Variants in ATP8A1 observed in about 807,000 individuals in gnomAD.
The protein encoded by ATP8A1 is ATPase phospholipid transporting 8A1.
ATP8A1 carries 90 observed loss-of-function variants against 177.7 expected under a neutral mutation model. That is an observed-to-expected ratio of 0.51 (90% CI 0.43 to 0.60). The LOEUF is 0.60. Ranked by LOEUF, ATP8A1 falls within the 20% of genes least tolerant of loss-of-function variation. ATP8A1 has a pLI of 0.00. For missense variants in ATP8A1, 1,072 were observed against 1,392.8 expected (o/e 0.77, Z 3.67); for synonymous variants, 493 against 485.9 (o/e 1.01, Z -0.19).
intron 12 of ATP8A1, among the ~76,000 whole-genome samples, chr4:42,576,811 T>C (rs1231594720): frequency 1.3e-5 from 2 of 152,188 alleles, no homozygotes; most frequent in Non-Finnish European, 2.9e-5. Context: ...GAATAGAGAT[T>C]AATCTGGAAA....
At chr4:42,517,276 A>T (rs1164595748) in intron 22 of ATP8A1, among the ~76,000 whole-genome samples, 5 of 140,194 alleles carry the variant, frequency 3.6e-5, no homozygotes, top group Admixed American at 7.7e-5. Context: ...CTGGCAACAG[A>T]GTGAGACTCC....
intron 25 of ATP8A1, among the ~76,000 whole-genome samples, chr4:42,479,848 A>AG (rs1721473298): frequency 6.6e-6 from 1 of 152,166 alleles, no homozygotes; most frequent in Non-Finnish European, 1.5e-5. Context: ...AGGGAGCATG[A>AG]GGGGCTTCTT....
intron 1 of ATP8A1, among the ~76,000 whole-genome samples, chr4:42,645,563 C>T (rs540541513): frequency 6.6e-6 from 1 of 152,276 alleles, no homozygotes; most frequent in East Asian, 1.9e-4. Flanking sequence ...TGGGATGGGT[C>T]TGGGAATCTG....
intron 8 of ATP8A1, among the ~76,000 whole-genome samples, chr4:42,587,964 G>A (rs1176605700): frequency 1.3e-5 from 2 of 152,178 alleles, no homozygotes; most frequent in Admixed American, 6.5e-5. Flanking sequence ...AGGTGAATAG[G>A]AAGAAGTTAA....
intron 15 of ATP8A1, among the ~76,000 whole-genome samples, chr4:42,565,051 G>A (rs978778469): frequency 6.6e-6 from 1 of 152,146 alleles, no homozygotes; most frequent in Admixed American, 6.5e-5. Context: ...CGTAAGACAT[G>A]ACTTGCTCCT....
At chr4:42,623,948 T>G (rs1737777643) in intron 4 of ATP8A1, among the ~76,000 whole-genome samples, 1 of 152,108 alleles carries the variant, frequency 6.6e-6, no homozygotes, top group African/African-American at 2.4e-5. Flanking sequence ...TTTCCTCAAG[T>G]AAGACAGTTA....
intron 4 of ATP8A1, among the ~76,000 whole-genome samples, 162 bp downstream of exon 4, chr4:42,624,374 A>G (rs1737814672): frequency 6.6e-6 from 1 of 152,102 alleles, no homozygotes; most frequent in African/African-American, 2.4e-5. Context: ...ACAGAAAACA[A>G]AAATCAACTT....
At chr4:42,478,162 C>T (rs1721279796) in intron 25 of ATP8A1, among the ~76,000 whole-genome samples, 1 of 152,054 alleles carries the variant, frequency 6.6e-6, no homozygotes, top group South Asian at 2.1e-4. Context: ...TGAGACCAGC[C>T]TGGGCAACAT....
chr4:42,462,214 C>G (rs1560350903), intron 27 of ATP8A1, among the ~76,000 whole-genome samples: 1 of 152,180 alleles, frequency 6.6e-6, no homozygotes, highest in Admixed American at 6.5e-5. Context: ...AATGAGAAGC[C>G]AAATGTTAAT....
chr4:42,575,087 A>T (rs1319165634), intron 13 of ATP8A1, among the ~76,000 whole-genome samples: 2 of 152,242 alleles, frequency 1.3e-5, no homozygotes, highest in Non-Finnish European at 2.9e-5. Flanking sequence ...AACTTCATGC[A>T]ACATCTGAAC....
intron 33 of ATP8A1, among the ~76,000 whole-genome samples, chr4:42,433,250 T>C (rs1433612948): frequency 6.6e-6 from 1 of 150,746 alleles, no homozygotes; most frequent in African/African-American, 2.5e-5. Flanking sequence ...CCAAGACACT[T>C]TTCCAAACAA....
intron 15 of ATP8A1, among the ~76,000 whole-genome samples, chr4:42,556,935 G>C (rs1383602758): frequency 6.6e-6 from 1 of 152,114 alleles, no homozygotes; most frequent in African/African-American, 2.4e-5. Flanking sequence ...AACATTAACA[G>C]GTTACAAAGA....
At chr4:42,544,933 G>T (rs986600841) in intron 19 of ATP8A1, among the ~76,000 whole-genome samples, 1 of 151,984 alleles carries the variant, frequency 6.6e-6, no homozygotes, top group Admixed American at 6.6e-5. Flanking sequence ...AGGCCGAGGC[G>T]GGCGGATCAC....
intron 18 of ATP8A1, among the ~76,000 whole-genome samples, chr4:42,550,832 C>T (rs1729433105): frequency 6.6e-6 from 1 of 152,102 alleles, no homozygotes. Context: ...AATGTTGGCT[C>T]AAGTCTTTTG....
chr4:42,563,969 C>T (rs1731102176), intron 15 of ATP8A1, among the ~76,000 whole-genome samples: 8 of 152,192 alleles, frequency 5.3e-5, no homozygotes, highest in Admixed American at 5.2e-4. Flanking sequence ...GTGGCACATG[C>T]CTGTAATCCC....
chr4:42,520,861 C>T (rs1726049583), intron 22 of ATP8A1, among the ~76,000 whole-genome samples: 1 of 152,104 alleles, frequency 6.6e-6, no homozygotes, highest in Non-Finnish European at 1.5e-5. Context: ...ATATGAGAAA[C>T]AATCACCTTC....
At chr4:42,579,360 T>G (rs950145013) in intron 11 of ATP8A1, among the ~76,000 whole-genome samples, 1 of 100,318 alleles carries the variant, frequency 1.0e-5, no homozygotes, top group Admixed American at 1.2e-4. Flanking sequence ...TATATTTTAT[T>G]TAAGATAAAA....
intron 4 of ATP8A1, among the ~76,000 whole-genome samples, chr4:42,618,147 G>T (rs1043804939): frequency 1.3e-5 from 2 of 152,158 alleles, no homozygotes; most frequent in Admixed American, 1.3e-4. Flanking sequence ...AGTATGCAAT[G>T]CTGACCACTC....
chr4:42,545,511 C>T (rs1008169459), intron 19 of ATP8A1, among the ~76,000 whole-genome samples: 6 of 152,166 alleles, frequency 3.9e-5, no homozygotes, highest in Admixed American at 3.9e-4. Context: ...TGATATACAA[C>T]ACCAACTGGG....
Sources: gnomAD v4.1 joint callset for allele counts (sites outside exome capture counted in the v4.1 genomes callset) on GRCh38, gnomAD v4.1.1 for gene constraint, MANE v1.5 for transcripts, NCBI Gene and HGNC (gene_info 2026-07-23, HGNC 2026-07-21) for gene names.